Variants in POLRMT observed in about 807,000 individuals in gnomAD.
POLRMT encodes RNA polymerase mitochondrial, also known as DNA-directed RNA polymerase, mitochondrial.
Under a neutral mutation model 132.2 loss-of-function variants are expected in POLRMT, and 114 were observed. The ratio of observed to expected loss-of-function variants is 0.86; its 90% confidence interval spans 0.74 to 1.01. The LOEUF (loss-of-function observed/expected upper bound fraction) is 1.01, where lower values mean the gene tolerates loss of function less well. POLRMT is among the 50% of genes least tolerant of loss of function. The pLI, the probability that POLRMT is intolerant of heterozygous loss-of-function variation, is 0.00. For synonymous variants in POLRMT, 1,020 were observed against 773.4 expected (o/e 1.32, Z -5.29); for missense variants, 2,003 against 1,729.1 (o/e 1.16, Z -2.81).
In POLRMT at chr19:617,857, A is replaced by G; in HGVS notation, c.3423-8T>C. The G allele has an allele frequency of 6.2e-7, 1 of 1,612,828 alleles. No homozygotes were observed. Among genetic ancestry groups the G allele is most frequent in the Admixed American group, 1.7e-5 (1 of 60,000 alleles). ...ACGAAGGTCAGGCCCTTCCTGTGGC[A>G]GAGCGGAGGACTCCTGAAGGGAGGG... On this transcript the variant is annotated splice_polypyrimidine_tract_variant and splice_region_variant and intron_variant, in intron 17 of 20. Coordinates refer to ENST00000588649, the MANE Select transcript of POLRMT (RefSeq NM_005035.4).
intron 4 of POLRMT, 83 bp downstream of exon 4, chr19:625,041 G>A: frequency 1.3e-6 from 2 of 1,528,406 alleles, no homozygotes; most frequent in African/African-American, 1.4e-5. Flanking sequence ...GGGGTCCCCA[G>A]CCCCCAGCCC....
Position 622,860 on chromosome 19 carries a change from G to A in POLRMT, c.1416C>T (p.Cys472=), listed in dbSNP as rs772671841. 94 of 1,607,540 alleles carry A rather than the reference G, an allele frequency of 5.8e-5. 3 individuals are homozygous for A. The South Asian group carries it at 7.8e-4, about 13-fold the overall frequency. The change falls in exon 7 of 21, where the codon TGC becomes TGT. Residue 472 remains cysteine, a synonymous_variant. Coordinates refer to ENST00000588649, the MANE Select transcript of POLRMT (RefSeq NM_005035.4). ...GCACCACCTCGCGCTCGTCCAGCAG[G>A]CACAGGAAGGGGTAAAGTGAGAACC... The part of the protein sequence containing the change: ...EGRFSLYPFL[C]LLDEREVVRM...
chr19:621,305 T>A lies in POLRMT; in HGVS notation c.2393A>T (p.His798Leu). 6.2e-7 allele frequency: 1 copy of A among 1,601,092 alleles called. No individual in the cohort carries two copies. The highest frequency in any genetic ancestry group is 8.5e-7 in the Non-Finnish European group (1 of 1,177,334). ...GGTGCGGCCGCGGAAGTCCATGTTGTGCGGCAGCCAGAAGACGCGGTCCCG... is the reference window on the plus strand; with the variant it reads ...GGTGCGGCCGCGGAAGTCCATGTTGAGCGGCAGCCAGAAGACGCGGTCCCG... ...HLRDRVFWLP[H>L]NMDFRGRTYP... The change falls in exon 10 of 21, where the codon CAC becomes CTC. Residue 798 changes from histidine (H) to leucine (L), a missense_variant. Physicochemically the swap from His to Leu is moderately conservative, Grantham distance 99. Coordinates refer to ENST00000588649, the MANE Select transcript of POLRMT (RefSeq NM_005035.4).
rs1314913078 is a variant in POLRMT, at chr19:627,117, CACCAGAG to C, written c.823-1870_823-1864del. ...CATGCTGTGACATGAGGTGGCCACA[CACCAGAG>C]ACCAGAGACATGAGTTTTGGGGCAT... On this transcript the variant is annotated intron_variant, in intron 3 of 20. Coordinates refer to ENST00000588649, the MANE Select transcript of POLRMT (RefSeq NM_005035.4). Among the ~76,000 whole-genome samples, 12 of 150,890 alleles carry C rather than the reference CACCAGAG, an allele frequency of 8.0e-5. No individual in the cohort carries two copies. In the East Asian group the frequency reaches 1.4e-3, roughly 17 times the overall value.
At chr19:623,706 A>G (rs542674036) in intron 5 of POLRMT, 103 bp from the exon 6 acceptor site, 1 of 1,399,300 alleles carries the variant, frequency 7.1e-7, no homozygotes, top group South Asian at 1.2e-5. Context: ...GTCTCCTGCA[A>G]GTTGCTGGTG....
Position 621,198 on chromosome 19 carries a change from C to T in POLRMT, c.2500G>A (p.Gly834Ser), listed in dbSNP as rs760025151. Residue 834 changes from glycine to serine, a missense_variant, in exon 10 of 21, where the codon GGC becomes AGC. Coordinates refer to ENST00000588649, the MANE Select transcript of POLRMT (RefSeq NM_005035.4). ...TTGAGCCAATCCAGGCCGTGCGGGC[C>T]GAGCGGGCGGCCCTGGGCGAACTCC... ...LLEFAQGRPLGPHGLDWLKIH... is the reference protein window; with the variant it reads ...LLEFAQGRPLSPHGLDWLKIH... 25 of 1,610,384 alleles carry T rather than the reference C, an allele frequency of 1.6e-5. No homozygotes were observed. In the South Asian group the frequency reaches 2.5e-4, roughly 16 times the overall value.
rs773341187 is a variant in POLRMT at position 629,760 on chromosome 19, T to C, written c.602A>G (p.Lys201Arg). The C allele has an allele frequency of 5.7e-6, 9 of 1,568,096 alleles. No individual in the cohort carries two copies. In the South Asian group the frequency reaches 5.9e-5, roughly 10 times the overall value. Residue 201 changes from lysine (K) to arginine (R), a missense_variant, in exon 3 of 21, where the codon AAG becomes AGG. Coordinates refer to ENST00000588649, the MANE Select transcript of POLRMT (RefSeq NM_005035.4). ...LARLLQEAPGKLSLDVEQAPS... is the reference protein window; with the variant it reads ...LARLLQEAPGRLSLDVEQAPS... ...GGCCTGCTCCACATCGAGGCTCAGCTTCCCAGGGGCCTCCTGCAGCAGCCG... is the reference window on the plus strand; with the variant it reads ...GGCCTGCTCCACATCGAGGCTCAGCCTCCCAGGGGCCTCCTGCAGCAGCCG...
intron 3 of POLRMT, among the ~76,000 whole-genome samples, chr19:628,401 A>AC (rs1253540568): frequency 6.6e-5 from 10 of 152,334 alleles, no homozygotes; most frequent in African/African-American, 2.2e-4. Flanking sequence ...ACCAGGCAGC[A>AC]CGCCGCCTCC....
chr19:621,983 C>T, intron 9 of POLRMT, 137 bp from the exon 10 acceptor site: 1 of 1,222,010 alleles, frequency 8.2e-7, no homozygotes, highest in Non-Finnish European at 1.1e-6. Flanking sequence ...GAAGCCACCT[C>T]CAGAAACGGC....
At chr19:630,560 G>A (rs1985341350) in intron 2 of POLRMT, among the ~76,000 whole-genome samples, 1 of 152,046 alleles carries the variant, frequency 6.6e-6, no homozygotes, top group African/African-American at 2.4e-5. Flanking sequence ...TATCCAGGTG[G>A]CCCCCGCCTC....
In POLRMT at chr19:620,116, G is replaced by A. The variant is rs984156844; in HGVS notation, c.2764-36C>T. On this transcript the variant is annotated intron_variant, in intron 11 of 20. Transcript: ENST00000588649. ...GGCGGCAAACGGGAGATGGAAGCTA[G>A]AGAGGCAGAGACGTGTGGGACCCCA... 14 of 1,533,458 alleles carry A rather than the reference G, an allele frequency of 9.1e-6. No homozygotes were observed. In the Admixed American group the frequency reaches 1.4e-4, roughly 15 times the overall value. 95.0% of individuals were successfully genotyped at this position (1,533,458 alleles called of 1,614,324 possible).
At position 632,937 on chromosome 19, in the gene POLRMT, CCCT is replaced by C; in HGVS notation, c.89-2_89del. On this transcript the variant is annotated splice_acceptor_variant and coding_sequence_variant, in exon 2 of 21. Coordinates refer to ENST00000588649, the MANE Select transcript of POLRMT (RefSeq NM_005035.4). LOFTEE classifies it high-confidence loss of function. ...TGGGGCCGCAGACGCCACCGGCGGT[CCCT>C]GCGGGAAAGACGAGAGCGGCTGAGC... 1 of 1,508,228 alleles carries C rather than the reference CCCT, an allele frequency of 6.6e-7. No homozygotes were observed. The highest frequency in any genetic ancestry group is 8.8e-7 in the Non-Finnish European group (1 of 1,132,814). The allele number at this position is 1,508,228 out of a possible 1,614,324, so 93.4% of individuals were successfully genotyped here.
intron 3 of POLRMT, among the ~76,000 whole-genome samples, chr19:626,898 C>CACACACACACAT (rs371959370): frequency 3.3e-4 from 49 of 146,736 alleles, no homozygotes; most frequent in African/African-American, 1.1e-3. Flanking sequence ...CACACACACA[C>CACACACACACAT]ATATATATAT....
chr19:626,886 T>TACACACACACAC lies in POLRMT; in HGVS notation c.823-1644_823-1633dup, dbSNP rs143170943. On this transcript the variant is annotated intron_variant, in intron 3 of 20. Coordinates refer to ENST00000588649, the MANE Select transcript of POLRMT (RefSeq NM_005035.4). ...GACTTGGAGACTCTGTCTTAAAATA[T>TACACACACACAC]ACACACACACACATATATATATATA... Among the ~76,000 whole-genome samples the TACACACACACAC allele has an allele frequency of 4.0e-3, 581 of 143,670 alleles. 6 individuals carry two copies. The highest frequency in any genetic ancestry group is 0.015 in the South Asian group (68 of 4,404). 94.3% of individuals were successfully genotyped at this position (143,670 alleles called of 152,430 possible). A position where few individuals can be genotyped will look rare whatever the true frequency, so the allele number is the denominator to read the frequency against.
intron 7 of POLRMT, 31 bp downstream of exon 7, chr19:622,790 C>A: frequency 1.9e-6 from 3 of 1,571,102 alleles, no homozygotes; most frequent in Non-Finnish European, 2.6e-6. Context: ...CCGCCCCGCC[C>A]GGGGACCCGG....
chr19:631,171 T>C (rs115929735), intron 2 of POLRMT, among the ~76,000 whole-genome samples: 2,037 of 150,778 alleles, frequency 0.014, 45 homozygotes, highest in African/African-American at 0.047. Context: ...AAAAAAAGAC[T>C]GTTGAAATAA....
intron 3 of POLRMT, among the ~76,000 whole-genome samples, chr19:627,404 A>G (rs1985101941): frequency 6.6e-6 from 1 of 151,598 alleles, no homozygotes. Flanking sequence ...CGCCCGCCTC[A>G]GCCTCCCAAA....
chr19:628,422 AAG>A (rs1191758539), intron 3 of POLRMT, among the ~76,000 whole-genome samples: 4 of 152,234 alleles, frequency 2.6e-5, no homozygotes, highest in Non-Finnish European at 5.9e-5. Context: ...ACCTCGCGGT[AAG>A]AGCACTGCGG....
chr19:621,304 G>A lies in POLRMT; in HGVS notation c.2394C>T (p.His798=), dbSNP rs1475946019. The A allele has an allele frequency of 1.4e-5, 22 of 1,601,352 alleles. No homozygotes were observed. Among genetic ancestry groups the A allele is most frequent in the Non-Finnish European group, 1.9e-5 (22 of 1,177,386 alleles). The change falls in exon 10 of 21, where the codon CAC becomes CAT. Residue 798 remains histidine, a synonymous_variant. Transcript: ENST00000588649. ...AGGTGCGGCCGCGGAAGTCCATGTT[G>A]TGCGGCAGCCAGAAGACGCGGTCCC... ...HLRDRVFWLP[H]NMDFRGRTYP... is the part of the protein sequence containing the mutation.
Sources: gnomAD v4.1 joint callset for allele counts (sites outside exome capture counted in the v4.1 genomes callset) on GRCh38, gnomAD v4.1.1 for gene constraint, MANE v1.5 for transcripts, NCBI Gene and HGNC (gene_info 2026-07-23, HGNC 2026-07-21) for gene names.